The following GLIS3 variants were observed in gnomAD, a reference collection of about 807,000 sequenced individuals.
The protein encoded by GLIS3 is GLIS family zinc finger 3, also known as zinc finger protein GLIS3.
Under a neutral mutation model 78.6 loss-of-function variants are expected in GLIS3, and 53 were observed. That is an observed-to-expected ratio of 0.67 (90% confidence interval 0.54 to 0.85). The LOEUF is 0.85. Among genes scored for constraint, GLIS3 ranks in the 40% least tolerant of loss-of-function variants. GLIS3 has a pLI of 0.00. For missense variants in GLIS3, 1,703 were observed against 1,231.1 expected (o/e 1.38, Z -5.74); for synonymous variants, 684 against 509.9 (o/e 1.34, Z -4.60).
the GLIS3 span, among the ~76,000 whole-genome samples, chr9:4,353,693 C>T: frequency 1.3e-5 from 2 of 152,190 alleles, no homozygotes; most frequent in Non-Finnish European, 1.5e-5. Flanking sequence ...AGCCAGATCC[C>T]TCCCCTAAAC....
intron 4 of GLIS3, among the ~76,000 whole-genome samples, chr9:3,956,659 G>A (rs563984943): frequency 1.2e-4 from 18 of 152,246 alleles, no homozygotes; most frequent in Middle Eastern, 6.8e-3. Context: ...TTTGTTTCCT[G>A]TTTTGATCTC....
chr9:4,298,515 T>A, intron 1 of GLIS3: 1 of 434,286 alleles, frequency 2.3e-6, no homozygotes, highest in Non-Finnish European at 4.6e-6. Context: ...GGGCAAGGTG[T>A]GTGTCTAGGA....
intron 7 of GLIS3, among the ~76,000 whole-genome samples, chr9:3,880,340 C>T (rs922117701): frequency 3.3e-5 from 5 of 152,172 alleles, no homozygotes; most frequent in East Asian, 1.9e-4. Context: ...AACGTGAATA[C>T]GTGCCCATTT....
chr9:3,852,472 A>T (rs1309998318), intron 9 of GLIS3, among the ~76,000 whole-genome samples: 1 of 152,216 alleles, frequency 6.6e-6, no homozygotes, highest in South Asian at 2.1e-4. Flanking sequence ...CCTGTTACCA[A>T]GATGCTGTAC....
chr9:4,049,088 G>T (rs1825492847), intron 4 of GLIS3, among the ~76,000 whole-genome samples: 1 of 152,138 alleles, frequency 6.6e-6, no homozygotes, highest in Non-Finnish European at 1.5e-5. Flanking sequence ...CACCAATGAT[G>T]TCTGAGCAAA....
At chr9:4,407,482 A>G in the GLIS3 span, among the ~76,000 whole-genome samples, 2 of 152,136 alleles carry the variant, frequency 1.3e-5, no homozygotes, top group African/African-American at 4.8e-5. Context: ...CGTCTCTACT[A>G]AAAATACAAA....
intron 7 of GLIS3, among the ~76,000 whole-genome samples, chr9:3,887,286 A>G (rs2072421174): frequency 6.6e-6 from 1 of 152,174 alleles, no homozygotes; most frequent in Non-Finnish European, 1.5e-5. Context: ...TTGACAGCAA[A>G]CATTGGCAAC....
At chr9:4,057,251 C>T (rs1308263469) in intron 4 of GLIS3, among the ~76,000 whole-genome samples, 1 of 152,146 alleles carries the variant, frequency 6.6e-6, no homozygotes, top group Non-Finnish European at 1.5e-5. Context: ...ATGTTTAATA[C>T]TCTGCCATTA....
intron 2 of GLIS3, among the ~76,000 whole-genome samples, chr9:4,182,193 T>A (rs1337723393): frequency 6.6e-6 from 1 of 152,170 alleles, no homozygotes; most frequent in African/African-American, 2.4e-5. Flanking sequence ...AGTTTTCAAA[T>A]TGGTGCCATC....
At chr9:3,890,337 G>A (rs902034972) in intron 7 of GLIS3, among the ~76,000 whole-genome samples, 2 of 152,054 alleles carry the variant, frequency 1.3e-5, no homozygotes, top group Non-Finnish European at 2.9e-5. Context: ...CCAGCCCTCC[G>A]CTTGACTTAA....
At chr9:4,288,906 A>G (rs1287825394) in intron 1 of GLIS3, among the ~76,000 whole-genome samples, 1 of 152,212 alleles carries the variant, frequency 6.6e-6, no homozygotes, top group African/African-American at 2.4e-5. Context: ...AATATGGCGA[A>G]TATTCCAGTT....
the GLIS3 span, among the ~76,000 whole-genome samples, chr9:4,437,673 G>A: frequency 6.6e-6 from 1 of 152,044 alleles, no homozygotes; most frequent in Admixed American, 6.6e-5. Context: ...GTTATACCAA[G>A]TGTGCCTGCC....
At chr9:4,038,626 A>C (rs1369664651) in intron 4 of GLIS3, among the ~76,000 whole-genome samples, 1 of 152,250 alleles carries the variant, frequency 6.6e-6, no homozygotes, top group East Asian at 1.9e-4. Context: ...AGGCATGAGA[A>C]TACATTCTGC....
At chr9:4,432,077 C>A in the GLIS3 span, among the ~76,000 whole-genome samples, 2 of 152,150 alleles carry the variant, frequency 1.3e-5, no homozygotes, top group African/African-American at 4.8e-5. Flanking sequence ...CCTTGTCCTC[C>A]TGTGCATTTG....
Position 3,980,955 on chromosome 9 carries a change from TCCTGCTCAGCATGCGTGCAAGCTCTAC to T in GLIS3, c.1711-43793_1711-43767del, listed in dbSNP as rs1210986327. ...ACTACACGGTTTCTCTCGACAGCCC[TCCTGCTCAGCATGCGTGCAAGCTCTAC>T]GCTGCTCTGCTGAACTGAAGCGCTC... On this transcript the variant is annotated intron_variant, in intron 4 of 10. Coordinates refer to ENST00000381971, the MANE Select transcript of GLIS3 (RefSeq NM_001042413.2). 3.9e-5 allele frequency among the ~76,000 whole-genome samples: 6 copies of T among 152,312 alleles called. No homozygotes were observed. In the East Asian group the frequency reaches 1.2e-3, roughly 29 times the overall value.
intron 2 of GLIS3, among the ~76,000 whole-genome samples, chr9:4,184,207 T>C (rs1817571841): frequency 6.6e-6 from 1 of 152,166 alleles, no homozygotes; most frequent in South Asian, 2.1e-4. Context: ...CTTGGCAATG[T>C]GGAGGGCATG....
At chr9:4,225,775 C>A (rs1821717843) in intron 2 of GLIS3, among the ~76,000 whole-genome samples, 2 of 152,106 alleles carry the variant, frequency 1.3e-5, no homozygotes, top group Non-Finnish European at 2.9e-5. Context: ...ACTCTTGAGA[C>A]CTTGAATAAA....
intron 4 of GLIS3, among the ~76,000 whole-genome samples, chr9:4,068,575 A>G (rs1239469590): frequency 6.6e-6 from 1 of 152,152 alleles, no homozygotes; most frequent in Admixed American, 6.5e-5. Context: ...TAACCTGTAT[A>G]ATCAGAAACC....
chr9:4,311,471 C>T (rs1817355927), intron 2 of GLIS3, among the ~76,000 whole-genome samples: 1 of 152,164 alleles, frequency 6.6e-6, no homozygotes, highest in Non-Finnish European at 1.5e-5. Flanking sequence ...TTAGACCTTA[C>T]TCTGAGAAGC....
Sources: allele counts gnomAD v4.1 joint callset (sites outside exome capture counted in the v4.1 genomes callset), GRCh38; gene constraint gnomAD v4.1.1; transcripts MANE v1.5; gene names NCBI Gene and HGNC (gene_info 2026-07-23, HGNC 2026-07-21).